The following CCDC138 variants were observed in gnomAD, a reference collection of about 807,000 sequenced individuals.
CCDC138 encodes coiled-coil domain-containing protein 138.
A neutral mutation model predicts 82.3 loss-of-function variants in CCDC138; 66 were observed. The observed-to-expected ratio is 0.80, with a 90% CI of 0.66 to 0.98. The LOEUF (loss-of-function observed/expected upper bound fraction) is 0.98. CCDC138 is among the 50% of genes least tolerant of loss of function. CCDC138 has a pLI of 0.00. For synonymous variants in CCDC138, 297 were observed against 265.4 expected (o/e 1.12, Z -1.16); for missense variants, 816 against 758.9 (o/e 1.08, Z -0.88).
intron 6 of CCDC138, among the ~76,000 whole-genome samples, chr2:108,800,044 A>T (rs1681633282): frequency 6.6e-6 from 1 of 152,174 alleles, no homozygotes; most frequent in South Asian, 2.1e-4. Context: ...AGCATAGTTT[A>T]AAAACTATGT....
intron 5 of CCDC138, among the ~76,000 whole-genome samples, chr2:108,797,266 C>G (rs1279227876): frequency 1.3e-5 from 2 of 152,074 alleles, no homozygotes; most frequent in Non-Finnish European, 2.9e-5. Context: ...GCCTGAGAAG[C>G]CATGGCCAGA....
chr2:108,873,148 T>C (rs1036217691), intron 13 of CCDC138, among the ~76,000 whole-genome samples: 1 of 152,204 alleles, frequency 6.6e-6, no homozygotes, highest in Non-Finnish European at 1.5e-5. Flanking sequence ...CTGAACTTAT[T>C]GTTACGAACT....
At chr2:108,788,768 G>C (rs1354742631) in intron 2 of CCDC138, 84 bp from the exon 3 acceptor site, 1 of 1,518,614 alleles carries the variant, frequency 6.6e-7, no homozygotes, top group Non-Finnish European at 8.8e-7. Context: ...TTTAAAAATA[G>C]TATTATTTAG....
At chr2:108,833,582 T>C (rs1688048166) in intron 10 of CCDC138, among the ~76,000 whole-genome samples, 1 of 152,210 alleles carries the variant, frequency 6.6e-6, no homozygotes, top group African/African-American at 2.4e-5. Flanking sequence ...GCAAACCCTT[T>C]TTTGTAAAAG....
chr2:108,820,659 C>T (rs1282202358), intron 10 of CCDC138, among the ~76,000 whole-genome samples: 5 of 149,382 alleles, frequency 3.3e-5, no homozygotes, highest in African/African-American at 1.2e-4. Context: ...CAGCAGAAAC[C>T]TTGCAGGCCA....
At chr2:108,799,376 A>T (rs750549233) in intron 6 of CCDC138, among the ~76,000 whole-genome samples, 8 of 152,150 alleles carry the variant, frequency 5.3e-5, no homozygotes, top group Non-Finnish European at 7.3e-5. Flanking sequence ...AAATGCATTC[A>T]GTTTTGTAAT....
intron 10 of CCDC138, among the ~76,000 whole-genome samples, chr2:108,830,137 A>G (rs1448331050): frequency 2.0e-5 from 3 of 152,226 alleles, no homozygotes; most frequent in East Asian, 3.9e-4. Context: ...AGCTATTGTA[A>G]ATGAAATAAG....
Position 108,788,046 on chromosome 2 carries a change from T to A in CCDC138, c.108T>A (p.Asn36Lys). 1 of 1,577,376 alleles carries A rather than the reference T, an allele frequency of 6.3e-7. No homozygotes were observed. The change falls in exon 2 of 15, where the codon AAT becomes AAA. Residue 36 changes from asparagine (N) to lysine (K), a missense_variant. By Grantham distance (94) the Asn-to-Lys change is moderately conservative. Coordinates refer to ENST00000295124, the MANE Select transcript of CCDC138 (RefSeq NM_144978.3). ...GSCPDEYDFS[N>K]FYQSKYKRRT... ...TTTTTTTTTAGTATGATTTTTCAAA[T>A]TTTTATCAGTCTAAGTATAAGAGAA...
chr2:108,819,872 T>A (rs933404878), intron 10 of CCDC138, among the ~76,000 whole-genome samples: 3 of 151,970 alleles, frequency 2.0e-5, no homozygotes, highest in African/African-American at 7.2e-5. Flanking sequence ...ATCTCTGAAC[T>A]TTGTGATATA....
chr2:108,809,042 T>C (rs1574004536), intron 7 of CCDC138, among the ~76,000 whole-genome samples: 1 of 152,188 alleles, frequency 6.6e-6, no homozygotes, highest in Non-Finnish European at 1.5e-5. Flanking sequence ...CATATGGATA[T>C]CCATTTCCTG....
exon 3 of CCDC138, chr2:108,885,339 T>C (rs1273251354): frequency 2.6e-5 from 4 of 152,236 alleles, no homozygotes; most frequent in Non-Finnish European, 4.4e-5. Context: ...GAAAAAGTTA[T>C]TGAGCATGTG....
At chr2:108,828,317 T>TA (rs1686988083) in intron 10 of CCDC138, among the ~76,000 whole-genome samples, 1 of 152,130 alleles carries the variant, frequency 6.6e-6, no homozygotes. Flanking sequence ...TTTAATGACG[T>TA]AAAAACATAA....
At position 108,833,852 on chromosome 2, in the gene CCDC138, C is replaced by T. The variant is rs375336920; in HGVS notation, c.1207-5333C>T. 2.1e-4 allele frequency among the ~76,000 whole-genome samples: 32 copies of T among 148,958 alleles called. 1 individual carries two copies. The highest frequency in any genetic ancestry group is 4.0e-4 in the Non-Finnish European group (27 of 67,622). On this transcript the variant is annotated intron_variant, in intron 10 of 14. Transcript: ENST00000295124. Reference sequence around the variant, plus strand: ...ACGCCATTCTCCTGCCTCAGCCTCCCGAGTAGCTGGGACTACAGGCGCCCG... The same window carrying T: ...ACGCCATTCTCCTGCCTCAGCCTCCTGAGTAGCTGGGACTACAGGCGCCCG...
At chr2:108,855,954 T>C (rs534056264) in intron 12 of CCDC138, among the ~76,000 whole-genome samples, 25 of 152,330 alleles carry the variant, frequency 1.6e-4, no homozygotes, top group Middle Eastern at 3.4e-3. Flanking sequence ...CGGTTTTTTT[T>C]CCCTCTGAAT....
chr2:108,857,901 C>T (rs994624918), intron 13 of CCDC138, among the ~76,000 whole-genome samples: 3 of 152,146 alleles, frequency 2.0e-5, no homozygotes, highest in African/African-American at 7.2e-5. Context: ...GCATCTTTCT[C>T]GTTGTCAAAG....
intron 9 of CCDC138, among the ~76,000 whole-genome samples, chr2:108,813,262 A>AAG (rs1553409562): frequency 4.0e-5 from 6 of 150,246 alleles, no homozygotes; most frequent in African/African-American, 1.5e-4. Flanking sequence ...AAAAAAAAAA[A>AAG]AAAAAAAAAA....
At chr2:108,812,057 G>A (rs1683951099) in intron 7 of CCDC138, among the ~76,000 whole-genome samples, 1 of 151,712 alleles carries the variant, frequency 6.6e-6, no homozygotes, top group South Asian at 2.1e-4. Flanking sequence ...TGGATACCCA[G>A]GAATAAATCT....
chr2:108,792,348 A>T (rs925533392), intron 4 of CCDC138, among the ~76,000 whole-genome samples: 2 of 152,130 alleles, frequency 1.3e-5, no homozygotes, highest in Non-Finnish European at 2.9e-5. Context: ...TATTCTCATC[A>T]TTTGAGGAAG....
chr2:108,875,991 C>G (rs1695971294), intron 14 of CCDC138, 97 bp from the exon 15 acceptor site: 9 of 684,624 alleles, frequency 1.3e-5, no homozygotes, highest in Non-Finnish European at 1.8e-5. Context: ...AAACAGATGC[C>G]ATTTCCTCAT....
Sources: gnomAD v4.1 joint callset for allele counts (sites outside exome capture counted in the v4.1 genomes callset) on GRCh38, gnomAD v4.1.1 for gene constraint, MANE v1.5 for transcripts, NCBI Gene and HGNC (gene_info 2026-07-23, HGNC 2026-07-21) for gene names.